ST3GAL1: variants seen among roughly 807,000 people sequenced by gnomAD.
ST3GAL1 encodes the protein CMP-N-acetylneuraminate-beta-galactosamide-alpha-2,3-sialyltransferase 1.
A neutral mutation model predicts 34.1 loss-of-function variants in ST3GAL1; 16 were observed. The ratio of observed to expected loss-of-function variants is 0.47; its 90% CI spans 0.32 to 0.71. ST3GAL1 has a LOEUF of 0.71. Ranked by LOEUF, ST3GAL1 falls within the 30% of genes least tolerant of loss-of-function variation. The pLI, the probability that ST3GAL1 is intolerant of heterozygous loss-of-function variation, is 0.04. For missense variants in ST3GAL1, 353 were observed against 447.4 expected, an observed-to-expected ratio of 0.79 and a Z score of 1.90; for synonymous variants, 191 against 184.7, an observed-to-expected ratio of 1.03 and a Z score of -0.28.
At chr8:133,500,031 G>A (rs905620184) in intron 2 of ST3GAL1, among the ~76,000 whole-genome samples, 1 of 152,214 alleles carries the variant, frequency 6.6e-6, no homozygotes, top group African/African-American at 2.4e-5. Context: ...TCAGAGAAGT[G>A]GTGTTGTCAT....
chr8:133,534,250 T>C (rs1818240893), intron 2 of ST3GAL1, among the ~76,000 whole-genome samples: 1 of 152,202 alleles, frequency 6.6e-6, no homozygotes, highest in Admixed American at 6.5e-5. Flanking sequence ...TTTTAGAGAC[T>C]GAGAAAGTGT....
At chr8:133,531,814 G>GAAAAAAAAAAA (rs55909710) in intron 2 of ST3GAL1, among the ~76,000 whole-genome samples, 1 of 99,876 alleles carries the variant, frequency 1.0e-5, no homozygotes, top group Non-Finnish European at 2.1e-5. Flanking sequence ...CTTAAAAACA[G>GAAAAAAAAAAA]AAAAAAAAAA....
At chr8:133,547,188 C>T (rs1209228409) in intron 1 of ST3GAL1, among the ~76,000 whole-genome samples, 1 of 152,112 alleles carries the variant, frequency 6.6e-6, no homozygotes, top group South Asian at 2.1e-4. Context: ...CTTGCTTTAG[C>T]CAATGGCACC....
At chr8:133,470,968 C>G (rs1815930364) in intron 5 of ST3GAL1, among the ~76,000 whole-genome samples, 1 of 152,174 alleles carries the variant, frequency 6.6e-6, no homozygotes, top group Non-Finnish European at 1.5e-5. Flanking sequence ...ACAGGCCACA[C>G]CCGTCCCGAG....
intron 2 of ST3GAL1, among the ~76,000 whole-genome samples, chr8:133,543,150 A>G (rs755224657): frequency 1.1e-4 from 17 of 152,236 alleles, no homozygotes; most frequent in Non-Finnish European, 2.4e-4. Context: ...AATGCACTGA[A>G]AAGGACACAT....
At chr8:133,472,632 C>T (rs749363375) in intron 5 of ST3GAL1, among the ~76,000 whole-genome samples, 1 of 152,082 alleles carries the variant, frequency 6.6e-6, no homozygotes, top group African/African-American at 2.4e-5. Context: ...GTGTGGTTTC[C>T]GTATTATCTG....
chr8:133,557,003 C>T lies in ST3GAL1; in HGVS notation c.-581-11077G>A, dbSNP rs541474624. 4.6e-5 allele frequency among the ~76,000 whole-genome samples: 7 copies of T among 152,240 alleles called. No individual in the cohort carries two copies. The South Asian group carries it at 1.5e-3, about 32-fold the overall frequency. ...TGACATGGTGGAAAGGGGTATGTGA[C>T]AACCCCCCAACCTGACCCTCCCAAC... On this transcript the variant is annotated intron_variant, in intron 1 of 9. Transcript: ENST00000522652.
intron 2 of ST3GAL1, among the ~76,000 whole-genome samples, chr8:133,522,087 C>A (rs778694841): frequency 5.3e-5 from 8 of 152,276 alleles, no homozygotes; most frequent in Non-Finnish European, 1.2e-4. Flanking sequence ...CAACTCTGGG[C>A]AGAAAGCCTC....
intron 1 of ST3GAL1, among the ~76,000 whole-genome samples, chr8:133,555,446 T>C (rs1818984024): frequency 6.6e-6 from 1 of 152,172 alleles, no homozygotes; most frequent in South Asian, 2.1e-4. Flanking sequence ...ATTCTCACAT[T>C]GGAGCAAACA....
rs1208730252 is a variant in ST3GAL1 at position 133,541,118 on chromosome 8, TATAGAG to T, written c.-429+4650_-429+4655del. 1.1e-3 allele frequency among the ~76,000 whole-genome samples: 59 copies of T among 52,174 alleles called. 8 individuals are homozygous for T. The highest frequency in any genetic ancestry group is 3.7e-3 in the African/African-American group (37 of 10,116). The allele number at this position is 52,174 out of a possible 152,430, so 34.2% of individuals were successfully genotyped here. On this transcript the variant is annotated intron_variant, in intron 2 of 9. Transcript: ENST00000522652. The stretch of plus-strand genomic sequence containing the variant: ...AAACATATATATATATATATATATA[TATAGAG>T]AGAGAGAGAGAGAGAGAGAGAGAGA...
In ST3GAL1 at chr8:133,461,924, G is replaced by T. The variant is rs746489251; in HGVS notation, c.800C>A (p.Pro267Gln). The T allele has an allele frequency of 6.2e-7, 1 of 1,614,196 alleles. No homozygotes were observed. Residue 267 changes from proline (P) to glutamine (Q), a missense_variant, in exon 9 of 10, where the codon CCA becomes CAA. Pro to Gln is a moderately conservative substitution (Grantham distance 76, BLOSUM62 -1). Coordinates refer to ENST00000522652, the MANE Select transcript of ST3GAL1 (RefSeq NM_173344.3). This position sits in a 1 kb window ranked among gnomAD's most constrained non-coding sequence, Gnocchi z 4.7. ...GATGACCGAGAGGATGCCGGTAGAT[G>T]GGTATCGCCCGTGCCCTTGCAGCCA... ...DNWLQGHGRY[P>Q]STGILSVIFS... is the part of the protein sequence containing the mutation.
intron 2 of ST3GAL1, among the ~76,000 whole-genome samples, chr8:133,545,038 T>C (rs1818639462): frequency 6.6e-6 from 1 of 152,256 alleles, no homozygotes; most frequent in African/African-American, 2.4e-5. Flanking sequence ...CTCTCTGCAC[T>C]ATCCATGGGT....
chr8:133,466,089 C>A lies in ST3GAL1; in HGVS notation c.308G>T (p.Arg103Met). 6.2e-7 allele frequency: 1 copy of A among 1,610,222 alleles called. No individual in the cohort carries two copies. Among genetic ancestry groups the A allele is most frequent in the Middle Eastern group, 1.7e-4 (1 of 6,050 alleles). Residue 103 changes from arginine (R) to methionine (M), a missense_variant and splice_region_variant, in exon 6 of 10, where the codon AGG (arginine) becomes ATG (methionine). By Grantham distance (91) the Arg-to-Met change is moderately conservative. Transcript: ENST00000522652. The surrounding 1 kb of genome is among the most constrained non-coding windows in gnomAD (Gnocchi z 4.4). ...LEDDTYRWWL[R>M]LQREKKPNNL... is the part of the protein sequence containing the mutation. ...ATTGGGCTTCTTCTCCCGCTGGAGCCTCTGTGGGCGGAGGACAGAAGGTGG... is the reference window on the plus strand; with the variant it reads ...ATTGGGCTTCTTCTCCCGCTGGAGCATCTGTGGGCGGAGGACAGAAGGTGG...
rs1819547473 is a variant in ST3GAL1, at chr8:133,570,827, G to T, written c.-582+866C>A. Among the ~76,000 whole-genome samples, 2 of 152,206 alleles carry T rather than the reference G, an allele frequency of 1.3e-5. No individual in the cohort carries two copies. Among genetic ancestry groups the T allele is most frequent in the East Asian group, 3.9e-4 (2 of 5,190 alleles). On this transcript the variant is annotated intron_variant, in intron 1 of 9. Coordinates refer to ENST00000522652, the MANE Select transcript of ST3GAL1 (RefSeq NM_173344.3). The surrounding 1 kb of genome is among the most constrained non-coding windows in gnomAD (Gnocchi z 5.6). Reference sequence around the variant, plus strand: ...GTCCGTCCCCGTGCGCTCCCAGAAGGGGTGGCCCTGCCCCCACGCAGGTCA... The same window carrying T: ...GTCCGTCCCCGTGCGCTCCCAGAAGTGGTGGCCCTGCCCCCACGCAGGTCA...
At chr8:133,472,622 G>A (rs1022777538) in intron 5 of ST3GAL1, among the ~76,000 whole-genome samples, 5 of 152,164 alleles carry the variant, frequency 3.3e-5, no homozygotes, top group African/African-American at 1.2e-4. Flanking sequence ...TATTCAAAGC[G>A]TGTGGTTTCC....
rs761745757 is a variant in ST3GAL1 at position 133,459,717 on chromosome 8, G to A, written c.*47C>T. On this transcript the variant is annotated 3_prime_UTR_variant, in exon 10 of 10. Transcript: ENST00000522652. This position sits in a 1 kb window ranked among gnomAD's most constrained non-coding sequence, Gnocchi z 4.7. ...CGGCTCCAGCAAGATGCTGGGGCTG[G>A]AAATGCAGAGGTGTGACAGTGCGTC... The A allele has an allele frequency of 2.6e-6, 4 of 1,550,702 alleles. No homozygotes were observed. Among genetic ancestry groups the A allele is most frequent in the African/African-American group, 1.4e-5 (1 of 72,996 alleles).
intron 3 of ST3GAL1, among the ~76,000 whole-genome samples, chr8:133,478,561 T>C (rs998779309): frequency 6.6e-6 from 1 of 152,230 alleles, no homozygotes; most frequent in Non-Finnish European, 1.5e-5. Context: ...TATTTGTAAC[T>C]TGAAGCAATG....
intron 2 of ST3GAL1, among the ~76,000 whole-genome samples, chr8:133,519,599 A>G (rs1817743202): frequency 6.6e-6 from 1 of 152,228 alleles, no homozygotes; most frequent in Non-Finnish European, 1.5e-5. Flanking sequence ...CTTATCCATA[A>G]CAGAATTACC....
chr8:133,465,836 A>G, intron 6 of ST3GAL1, 58 bp downstream of exon 6: 1 of 1,554,288 alleles, frequency 6.4e-7, no homozygotes, highest in Non-Finnish European at 8.7e-7. Context: ...TGCTTCCTAC[A>G]GCTCCAAGGG....
Sources: allele counts gnomAD v4.1 joint callset (sites outside exome capture counted in the v4.1 genomes callset), GRCh38; gene constraint gnomAD v4.1.1; non-coding constraint Gnocchi (gnomAD v3.1); transcripts MANE v1.5; gene names NCBI Gene and HGNC (gene_info 2026-07-23, HGNC 2026-07-21).